Variants in TNR observed in about 807,000 individuals in gnomAD.
TNR encodes tenascin-R.
TNR carries 45 observed loss-of-function variants against 150.4 expected under a neutral mutation model. That is an observed-to-expected ratio of 0.30 (90% CI 0.24 to 0.38). The LOEUF is 0.38. TNR is among the 10% of genes least tolerant of loss of function. The pLI is 1.00. For synonymous variants in TNR, 687 were observed against 678.4 expected (o/e 1.01, Z -0.20); for missense variants, 1,544 against 1,759.1 (o/e 0.88, Z 2.19).
intron 2 of TNR, among the ~76,000 whole-genome samples, chr1:175,446,622 G>A (rs1473270810): frequency 6.6e-6 from 1 of 152,022 alleles, no homozygotes; most frequent in African/African-American, 2.4e-5. Context: ...AATTTTAATT[G>A]TTCCTTTTGT....
chr1:175,335,585 A>G lies in TNR; in HGVS notation c.3631+126T>C, dbSNP rs2861278. On this transcript the variant is annotated intron_variant, in intron 20 of 22. Coordinates refer to ENST00000367674, the MANE Select transcript of TNR (RefSeq NM_003285.3). ...AAACAGAGCAAGAGGTTCTGAAAGCAATTCAGGAGCTGTTAGCTTCTCAAC... is the reference window on the plus strand; with the variant it reads ...AAACAGAGCAAGAGGTTCTGAAAGCGATTCAGGAGCTGTTAGCTTCTCAAC... The G allele has an allele frequency of 6.7e-3, 5,807 of 867,754 alleles. 233 individuals are homozygous for G. In the African/African-American group the frequency reaches 0.085, roughly 13 times the overall value. The allele number at this position is 867,754 out of a possible 1,614,324, so 53.8% of individuals were successfully genotyped here.
At chr1:175,522,631 G>C (rs188591301) in intron 2 of TNR, among the ~76,000 whole-genome samples, 31 of 152,288 alleles carry the variant, frequency 2.0e-4, no homozygotes, top group Admixed American at 1.0e-3. Context: ...CAATGAAGTT[G>C]ACACAGTATG....
At chr1:175,521,659 T>C (rs1659645075) in intron 2 of TNR, among the ~76,000 whole-genome samples, 1 of 152,186 alleles carries the variant, frequency 6.6e-6, no homozygotes, top group Non-Finnish European at 1.5e-5. Flanking sequence ...CTTACTTTTT[T>C]CCTCTTACTT....
intron 1 of TNR, among the ~76,000 whole-genome samples, chr1:175,662,290 G>T (rs1008904710): frequency 2.6e-5 from 4 of 152,078 alleles, no homozygotes; most frequent in Non-Finnish European, 5.9e-5. Context: ...CTCCTGTAGG[G>T]TCTCCCCTAG....
intron 17 of TNR, among the ~76,000 whole-genome samples, chr1:175,355,079 T>G (rs1651257307): frequency 6.6e-6 from 1 of 152,224 alleles, no homozygotes; most frequent in Non-Finnish European, 1.5e-5. Flanking sequence ...CTATTGAATT[T>G]GGTATCCAGC....
chr1:175,728,061 A>G (rs1024855945), intron 1 of TNR, among the ~76,000 whole-genome samples: 3 of 152,238 alleles, frequency 2.0e-5, no homozygotes, highest in Non-Finnish European at 4.4e-5. Flanking sequence ...TTGTTCAGAC[A>G]TAAGTGTGGA....
At position 175,633,447 on chromosome 1, in the gene TNR, A is replaced by G. The variant is rs74491184; in HGVS notation, c.-164-105078T>C. 2.8e-3 allele frequency among the ~76,000 whole-genome samples: 426 copies of G among 152,346 alleles called. 17 individuals are homozygous for G. The East Asian group carries it at 0.063, about 22-fold the overall frequency. The stretch of plus-strand genomic sequence containing the variant: ...ATGGTGGGGAAGAAGGAAAGAAATT[A>G]TAGCTATGGGACAAGAGGTTTTGGT... On this transcript the variant is annotated intron_variant, in intron 1 of 22. Coordinates refer to ENST00000367674, the MANE Select transcript of TNR (RefSeq NM_003285.3).
At position 175,362,819 on chromosome 1, in the gene TNR, A is replaced by G. The variant is rs896898310; in HGVS notation, c.2708-10T>C. 1.9e-6 allele frequency: 3 copies of G among 1,613,748 alleles called. No individual in the cohort carries two copies. The highest frequency in any genetic ancestry group is 1.3e-5 in the African/African-American group (1 of 74,918). On this transcript the variant is annotated splice_polypyrimidine_tract_variant and intron_variant, in intron 13 of 22. Transcript: ENST00000367674. ...CTGTCTAGTCGTCCCACTGGAGAAG[A>G]GAAGAATCTACAGTTAAAATTCAGC...
intron 1 of TNR, among the ~76,000 whole-genome samples, chr1:175,734,846 G>A (rs906921526): frequency 1.3e-5 from 2 of 152,336 alleles, no homozygotes; most frequent in Non-Finnish European, 2.9e-5. Context: ...CAAGGCAGCT[G>A]GGCTGCGTGT....
In TNR at chr1:175,331,054, T is replaced by TTTCTTTCTTTCTTTCCTTCC. The variant is rs1491493317; in HGVS notation, c.3632-820_3632-819insGGAAGGAAAGAAAGAAAGAA. Among the ~76,000 whole-genome samples the TTTCTTTCTTTCTTTCCTTCC allele has an allele frequency of 1.2e-3, 125 of 105,786 alleles. 3 individuals carry two copies. Among genetic ancestry groups the TTTCTTTCTTTCTTTCCTTCC allele is most frequent in the African/African-American group, 4.4e-3 (114 of 26,014 alleles). 69.4% of individuals were successfully genotyped at this position (105,786 alleles called of 152,430 possible). On this transcript the variant is annotated intron_variant, in intron 20 of 22. Coordinates refer to ENST00000367674, the MANE Select transcript of TNR (RefSeq NM_003285.3). Reference sequence around the variant, plus strand: ...CTTTCTTTCTTTCTTTCTTTCTTTCTTTCTTTCTTTCTTTCTTTCTTTCCT... The same window carrying TTTCTTTCTTTCTTTCCTTCC: ...CTTTCTTTCTTTCTTTCTTTCTTTCTTTCTTTCTTTCTTTCCTTCCTTCTTTCTTTCTTTCTTTCTTTCCT...
chr1:175,506,406 T>A (rs1025958583), intron 2 of TNR, among the ~76,000 whole-genome samples: 3 of 152,312 alleles, frequency 2.0e-5, no homozygotes, highest in Non-Finnish European at 4.4e-5. Flanking sequence ...CCCAGATTCA[T>A]ATGTTGAAGT....
intron 5 of TNR, among the ~76,000 whole-genome samples, chr1:175,395,945 T>A (rs942283644): frequency 9.8e-5 from 15 of 152,320 alleles, no homozygotes; most frequent in South Asian, 4.1e-4. Context: ...TCTGTCTCCA[T>A]CTCTCTCTTT....
At chr1:175,355,707 A>G in intron 16 of TNR, 74 bp from the exon 17 acceptor site, 1 of 1,594,286 alleles carries the variant, frequency 6.3e-7, no homozygotes, top group Non-Finnish European at 8.5e-7. Flanking sequence ...AGGTATGGGT[A>G]TCTGTTGCCC....
intron 2 of TNR, among the ~76,000 whole-genome samples, chr1:175,452,359 G>A (rs1439153586): frequency 6.6e-6 from 1 of 152,240 alleles, no homozygotes; most frequent in Non-Finnish European, 1.5e-5. Context: ...TATCAGGGCT[G>A]TAACTTTTAC....
At chr1:175,638,368 C>T (rs1289491520) in intron 1 of TNR, among the ~76,000 whole-genome samples, 3 of 152,180 alleles carry the variant, frequency 2.0e-5, no homozygotes, top group African/African-American at 7.2e-5. Context: ...GATGTTCAAC[C>T]TCCCTCCTGG....
At position 175,548,665 on chromosome 1, in the gene TNR, T is replaced by TAAA. The variant is rs3032580; in HGVS notation, c.-164-20299_-164-20297dup. ...CTCCTGGTTTTACTGTAAGCAAAAT[T>TAAA]AAAAAAAAAAAAGGCGGGATGGGCA... is the stretch of plus-strand genomic sequence containing the variant. On this transcript the variant is annotated intron_variant, in intron 1 of 22. Transcript: ENST00000367674. 1.2e-3 allele frequency among the ~76,000 whole-genome samples: 178 copies of TAAA among 146,390 alleles called. 1 individual carries two copies. Among genetic ancestry groups the TAAA allele is most frequent in the South Asian group, 7.5e-3 (34 of 4,542 alleles).
chr1:175,519,239 C>G (rs1332421470), intron 2 of TNR, among the ~76,000 whole-genome samples: 1 of 152,198 alleles, frequency 6.6e-6, no homozygotes, highest in Non-Finnish European at 1.5e-5. Context: ...TAAGGCAATT[C>G]AAGACCATAC....
intron 9 of TNR, among the ~76,000 whole-genome samples, chr1:175,378,128 CCCTT>C (rs1048460852): frequency 2.0e-5 from 3 of 152,190 alleles, no homozygotes; most frequent in Admixed American, 6.5e-5. Context: ...TCTGACCTTG[CCCTT>C]CTCTGTACAA....
At chr1:175,331,013 C>CTTTCTTTCTTTCTT (rs1217502200) in intron 20 of TNR, among the ~76,000 whole-genome samples, 6 of 55,306 alleles carry the variant, frequency 1.1e-4, no homozygotes, top group Non-Finnish European at 1.8e-4. Context: ...TTCTTTCTTT[C>CTTTCTTTCTTTCTT]TTTCTTTCTT....
Sources: gnomAD v4.1 joint callset for allele counts (sites outside exome capture counted in the v4.1 genomes callset) on GRCh38, gnomAD v4.1.1 for gene constraint, MANE v1.5 for transcripts, NCBI Gene and HGNC (gene_info 2026-07-23, HGNC 2026-07-21) for gene names.